The following ADCY3 variants were observed in gnomAD, a reference collection of about 807,000 sequenced individuals.
ADCY3 encodes the protein adenylate cyclase 3.
Under a neutral mutation model 119.4 loss-of-function variants are expected in ADCY3, and 70 were observed. That is an observed-to-expected ratio of 0.59 (90% CI 0.48 to 0.72). The LOEUF (loss-of-function observed/expected upper bound fraction) is 0.72, where lower values mean the gene tolerates loss of function less well. Ranked by LOEUF, ADCY3 falls within the 30% of genes least tolerant of loss-of-function variation. ADCY3 has a pLI of 0.00. For missense variants in ADCY3, 1,238 were observed against 1,541.6 expected (o/e 0.80, Z 3.30); for synonymous variants, 672 against 621.4 (o/e 1.08, Z -1.21).
At chr2:24,830,003 C>CT (rs1173061729) in intron 13 of ADCY3, among the ~76,000 whole-genome samples, 1 of 151,026 alleles carries the variant, frequency 6.6e-6, no homozygotes, top group Non-Finnish European at 1.5e-5. Context: ...ATTCTGGACT[C>CT]TGTCACTTCC....
At chr2:24,827,049 G>T (rs1419072550) in intron 15 of ADCY3, among the ~76,000 whole-genome samples, 1 of 152,150 alleles carries the variant, frequency 6.6e-6, no homozygotes, top group Non-Finnish European at 1.5e-5. Context: ...GGGCTATGCA[G>T]GTTTTACCCC....
In ADCY3 at chr2:24,920,065, G is replaced by C. The variant is rs1184064457; in HGVS notation, c.-580C>G. Among the ~76,000 whole-genome samples, 2 of 146,282 alleles carry C rather than the reference G, an allele frequency of 1.4e-5. No homozygotes were observed. The highest frequency in any genetic ancestry group is 4.9e-5 in the African/African-American group (2 of 40,762). ...CTCCCCTGCACCCGCGGCGGCGGCG[G>C]CTGCTAGGGGCGCGCGCGGGGCCCT... On this transcript the variant is annotated 5_prime_UTR_variant, in exon 1 of 22. Coordinates refer to ENST00000679454, the MANE Select transcript of ADCY3 (RefSeq NM_004036.5). This position sits in a 1 kb window ranked among gnomAD's most constrained non-coding sequence, Gnocchi z 4.5.
chr2:24,875,588 C>T (rs886975286), intron 2 of ADCY3, among the ~76,000 whole-genome samples: 1 of 152,344 alleles, frequency 6.6e-6, no homozygotes, highest in South Asian at 2.1e-4. Flanking sequence ...TGGCAGCACC[C>T]TGGGGTGCTC....
At chr2:24,833,620 C>T (rs1404127582) in intron 11 of ADCY3, among the ~76,000 whole-genome samples, 1 of 152,214 alleles carries the variant, frequency 6.6e-6, no homozygotes, top group African/African-American at 2.4e-5. Flanking sequence ...TACCAGAACC[C>T]AAGTTTCACG....
chr2:24,878,058 TA>T lies in ADCY3; in HGVS notation c.676-5340del, dbSNP rs1318333585. On this transcript the variant is annotated intron_variant, in intron 2 of 21. Transcript: ENST00000679454. The surrounding 1 kb of genome is among the most constrained non-coding windows in gnomAD (Gnocchi z 4.0). Reference sequence around the variant, plus strand: ...CCACAGCCCCTGGGGTCTCTATTTATAGATCTTTTTACAAGTTTCTTAATCC... The same window carrying T: ...CCACAGCCCCTGGGGTCTCTATTTATGATCTTTTTACAAGTTTCTTAATCC... The T allele has an allele frequency of 9.8e-6, 3 of 305,234 alleles. No homozygotes were observed. The Admixed American group carries it at 1.2e-4, about 12-fold the overall frequency. The allele number at this position is 305,234 out of a possible 1,614,324, so 18.9% of individuals were successfully genotyped here.
At chr2:24,827,870 CAA>C in intron 14 of ADCY3, 30 bp downstream of exon 14, 1 of 1,612,324 alleles carries the variant, frequency 6.2e-7, no homozygotes, top group South Asian at 1.1e-5. Flanking sequence ...AGGAAGGAGA[CAA>C]TACAGATCCC....
intron 2 of ADCY3, among the ~76,000 whole-genome samples, chr2:24,915,688 G>T (rs139721305): frequency 8.8e-4 from 134 of 152,210 alleles, no homozygotes; most frequent in Middle Eastern, 3.4e-3. Flanking sequence ...TTATAAGCAC[G>T]CCCCATCACA....
chr2:24,851,150 G>A (rs1672245824), intron 3 of ADCY3, among the ~76,000 whole-genome samples: 1 of 152,154 alleles, frequency 6.6e-6, no homozygotes, highest in Admixed American at 6.5e-5. Context: ...TCTTAGAAAG[G>A]GAACATCCCT....
chr2:24,832,755 C>A (rs1440830627), intron 11 of ADCY3, among the ~76,000 whole-genome samples: 1 of 152,198 alleles, frequency 6.6e-6, no homozygotes, highest in African/African-American at 2.4e-5. Flanking sequence ...CGTCTCCAAC[C>A]CCACCCGCCC....
intron 2 of ADCY3, among the ~76,000 whole-genome samples, chr2:24,911,032 A>G (rs1051805505): frequency 1.3e-5 from 2 of 151,918 alleles, no homozygotes; most frequent in African/African-American, 4.8e-5. Context: ...ACAGCCAGAG[A>G]AGGTGCATAT....
chr2:24,833,580 T>C (rs1352148646), intron 11 of ADCY3, among the ~76,000 whole-genome samples: 3 of 152,226 alleles, frequency 2.0e-5, no homozygotes, highest in Non-Finnish European at 4.4e-5. Flanking sequence ...ATATTTTAAT[T>C]GTTTAATTGC....
rs778462803 is a variant in ADCY3 at position 24,841,410 on chromosome 2, T to C, written c.1069-24A>G. On this transcript the variant is annotated intron_variant, in intron 5 of 21. Coordinates refer to ENST00000679454, the MANE Select transcript of ADCY3 (RefSeq NM_004036.5). The surrounding 1 kb of genome is among the most constrained non-coding windows in gnomAD (Gnocchi z 5.8). The stretch of plus-strand genomic sequence containing the variant: ...TTCTGAAAGGGGAGGGCCTGGCCTG[T>C]GCTCCAGCCCCTCCTCAGTGAGGGA... The C allele has an allele frequency of 1.1e-4, 178 of 1,609,156 alleles. No homozygotes were observed. The highest frequency in any genetic ancestry group is 1.7e-4 in the Middle Eastern group (1 of 6,016).
chr2:24,839,763 G>C, intron 7 of ADCY3, 110 bp downstream of exon 7: 1 of 1,480,424 alleles, frequency 6.8e-7, no homozygotes, highest in East Asian at 2.3e-5. Context: ...GGGGTTGTAG[G>C]GAGGCCTTCT....
intron 3 of ADCY3, among the ~76,000 whole-genome samples, chr2:24,866,564 CA>C (rs71397449): frequency 0.015 from 717 of 46,512 alleles, 1 homozygote; most frequent in African/African-American, 0.057. Flanking sequence ...GACCCTGTCT[CA>C]AAAAAAAAAA....
At chr2:24,900,174 A>C (rs1252859636) in intron 2 of ADCY3, among the ~76,000 whole-genome samples, 1 of 137,642 alleles carries the variant, frequency 7.3e-6, no homozygotes, top group African/African-American at 3.2e-5. Context: ...GCAGTGGCGA[A>C]ATCTCGACTC....
Position 24,918,148 on chromosome 2 carries a change from T to A in ADCY3, c.675+165A>T, listed in dbSNP as rs1245957875. 1.2e-4 allele frequency among the ~76,000 whole-genome samples: 18 copies of A among 152,042 alleles called. No homozygotes were observed. Reference sequence around the variant, plus strand: ...CCAAGCACAGGCAGACTCCGGGTAATGGCACAGGGGTGAAAAGGCAGGGAC... The same window carrying A: ...CCAAGCACAGGCAGACTCCGGGTAAAGGCACAGGGGTGAAAAGGCAGGGAC... On this transcript the variant is annotated intron_variant, in intron 2 of 21. Transcript: ENST00000679454. This position sits in a 1 kb window ranked among gnomAD's most constrained non-coding sequence, Gnocchi z 5.4.
chr2:24,865,489 CTGTGTGTGTGTGTGTGTGTGTGTGTGTG>C (rs3222240), intron 3 of ADCY3, among the ~76,000 whole-genome samples: 3,519 of 140,528 alleles, frequency 0.025, 144 homozygotes, highest in African/African-American at 0.086. Flanking sequence ...AGGCTATCAT[CTGTGTGTGTGTGTGTGTGTGTGTGTGTG>C]TGTGTGTGTG....
intron 3 of ADCY3, among the ~76,000 whole-genome samples, chr2:24,870,468 T>C (rs544856272): frequency 6.6e-6 from 1 of 152,192 alleles, no homozygotes; most frequent in South Asian, 2.1e-4. Context: ...CTTGGAGAAT[T>C]CTAGGCTCCG....
chr2:24,863,587 A>G (rs1673940498), intron 3 of ADCY3, among the ~76,000 whole-genome samples: 2 of 152,220 alleles, frequency 1.3e-5, no homozygotes, highest in Admixed American at 6.5e-5. Flanking sequence ...AGGTCTCACT[A>G]TGTTGGCCAG....
Sources: gnomAD v4.1 joint callset for allele counts (sites outside exome capture counted in the v4.1 genomes callset) on GRCh38, gnomAD v4.1.1 for gene constraint, Gnocchi (gnomAD v3.1) non-coding constraint, MANE v1.5 for transcripts, NCBI Gene and HGNC (gene_info 2026-07-23, HGNC 2026-07-21) for gene names.